Variants in CTNNA3 observed in about 807,000 individuals in gnomAD.
CTNNA3 encodes the protein catenin alpha 3.
CTNNA3 carries 76 observed loss-of-function variants against 95.7 expected under a neutral mutation model. That is an observed-to-expected ratio of 0.79 (90% CI 0.66 to 0.96). The LOEUF (loss-of-function observed/expected upper bound fraction) is 0.96, where lower values mean the gene tolerates loss of function less well. CTNNA3 is among the 40% of genes least tolerant of loss of function. CTNNA3 has a pLI of 0.00. For missense variants in CTNNA3, 1,191 were observed against 1,089.8 expected (o/e 1.09, Z -1.31); for synonymous variants, 431 against 374.4 (o/e 1.15, Z -1.74).
intron 5 of CTNNA3, among the ~76,000 whole-genome samples, chr10:67,242,387 GA>G (rs1435043271): frequency 2.6e-5 from 4 of 152,114 alleles, no homozygotes; most frequent in Non-Finnish European, 4.4e-5. Context: ...TTTCCCACAG[GA>G]AAAAAGTGTT....
At chr10:66,249,723 T>C (rs1228571043) in intron 13 of CTNNA3, among the ~76,000 whole-genome samples, 1 of 151,180 alleles carries the variant, frequency 6.6e-6, no homozygotes, top group East Asian at 1.9e-4. Flanking sequence ...TAGTTTGGAG[T>C]TTCCTCAAAC....
chr10:66,681,473 T>C (rs1847065376), intron 9 of CTNNA3, among the ~76,000 whole-genome samples: 1 of 152,062 alleles, frequency 6.6e-6, no homozygotes, highest in Non-Finnish European at 1.5e-5. Flanking sequence ...AAAAATCAGA[T>C]TGGAATAGGT....
intron 9 of CTNNA3, among the ~76,000 whole-genome samples, chr10:66,674,579 A>G (rs960397007): frequency 3.9e-5 from 6 of 151,980 alleles, no homozygotes; most frequent in African/African-American, 1.2e-4. Context: ...GTGAAGAAAA[A>G]AAAAACCTCC....
At chr10:66,553,440 CT>C (rs35849546) in intron 10 of CTNNA3, among the ~76,000 whole-genome samples, 16 of 139,720 alleles carry the variant, frequency 1.1e-4, no homozygotes, top group African/African-American at 1.9e-4. Flanking sequence ...TGAAGCATAT[CT>C]TTTTTTTTTT....
At chr10:66,352,643 T>C (rs1030878280) in intron 12 of CTNNA3, among the ~76,000 whole-genome samples, 2 of 152,016 alleles carry the variant, frequency 1.3e-5, no homozygotes, top group Non-Finnish European at 2.9e-5. Flanking sequence ...ATCATGAAAT[T>C]CCCCTAATTG....
In CTNNA3 at chr10:67,268,054, T is replaced by C. The variant is rs943852491; in HGVS notation, c.580-48184A>G. 3.3e-5 allele frequency among the ~76,000 whole-genome samples: 5 copies of C among 152,176 alleles called. No individual in the cohort carries two copies. In the East Asian group the frequency reaches 5.8e-4, roughly 18 times the overall value. On this transcript the variant is annotated intron_variant, in intron 5 of 17. Coordinates refer to ENST00000433211, the MANE Select transcript of CTNNA3 (RefSeq NM_013266.4). The stretch of plus-strand genomic sequence containing the variant: ...CTAAGAGAAAATGAGTAATCTGAAA[T>C]AACTGAAATTTGTGAATAAGTGGAA...
rs187899016 is a variant in CTNNA3 at position 66,410,603 on chromosome 10, C to A, written c.1532-31251G>T. On this transcript the variant is annotated intron_variant, in intron 11 of 17. Transcript: ENST00000433211. ...GCAATTCTAAATACTGATTGCCCCC[C>A]ACTCCTGACCTTTCCCTCTGCCTTT... Among the ~76,000 whole-genome samples the A allele has an allele frequency of 3.9e-5, 6 of 152,268 alleles. No individual in the cohort carries two copies. In the East Asian group the frequency reaches 9.7e-4, roughly 25 times the overall value.
intron 9 of CTNNA3, among the ~76,000 whole-genome samples, chr10:66,633,674 C>T (rs4746609): frequency 0.025 from 3,777 of 150,688 alleles, 233 homozygotes; most frequent in East Asian, 0.15. Flanking sequence ...AGCAAGACTC[C>T]ATCTCAAAAA....
intron 1 of CTNNA3, among the ~76,000 whole-genome samples, chr10:67,678,677 C>T (rs889981794): frequency 1.3e-5 from 2 of 152,130 alleles, no homozygotes; most frequent in African/African-American, 4.8e-5. Context: ...CCCAGAGCCA[C>T]AGACTTTAAA....
chr10:66,031,229 T>G (rs1027046673), intron 15 of CTNNA3, among the ~76,000 whole-genome samples: 2 of 152,090 alleles, frequency 1.3e-5, no homozygotes, highest in Non-Finnish European at 2.9e-5. Context: ...GGAAAATAAA[T>G]CCTACCAAAA....
At chr10:66,230,277 G>T (rs1045893208) in intron 13 of CTNNA3, among the ~76,000 whole-genome samples, 1 of 151,930 alleles carries the variant, frequency 6.6e-6, no homozygotes, top group Non-Finnish European at 1.5e-5. Context: ...TGTTTTTCCT[G>T]TTCTTAAATT....
chr10:67,273,525 TC>T (rs1435432006), intron 5 of CTNNA3, among the ~76,000 whole-genome samples: 2 of 151,912 alleles, frequency 1.3e-5, no homozygotes, highest in Non-Finnish European at 2.9e-5. Flanking sequence ...TGTGACCATT[TC>T]TTATAAAACT....
intron 15 of CTNNA3, among the ~76,000 whole-genome samples, chr10:66,017,359 T>C (rs1271638427): frequency 6.6e-6 from 1 of 152,114 alleles, no homozygotes; most frequent in Non-Finnish European, 1.5e-5. Flanking sequence ...CACCACCTGA[T>C]GGACAGGTTC....
At chr10:67,073,412 C>T (rs1164641730) in intron 7 of CTNNA3, among the ~76,000 whole-genome samples, 2 of 151,952 alleles carry the variant, frequency 1.3e-5, no homozygotes, top group Admixed American at 1.3e-4. Context: ...ATATGTTTTT[C>T]CTTCAGTCTA....
intron 5 of CTNNA3, among the ~76,000 whole-genome samples, chr10:67,323,418 T>A (rs1841406285): frequency 6.6e-6 from 1 of 152,212 alleles, no homozygotes; most frequent in African/African-American, 2.4e-5. Context: ...GGGGTCCGGT[T>A]TCAATCTTAG....
intron 7 of CTNNA3, among the ~76,000 whole-genome samples, chr10:66,969,334 A>T (rs1161692210): frequency 6.6e-6 from 1 of 152,108 alleles, no homozygotes; most frequent in Non-Finnish European, 1.5e-5. Context: ...TGTCATTAAA[A>T]CTTCTTCAAA....
rs377040735 is a variant in CTNNA3, at chr10:66,927,025, G to C, written c.1048-151501C>G. The stretch of plus-strand genomic sequence containing the variant: ...TTCTGCCGAACGAGGATGCCCTAAG[G>C]GCTGTAGGTGTGAAGGCAAAATGGT... On this transcript the variant is annotated intron_variant, in intron 7 of 17. Transcript: ENST00000433211. This position sits in a 1 kb window ranked among gnomAD's most constrained non-coding sequence, Gnocchi z 4.7. 6.2e-7 allele frequency: 1 copy of C among 1,613,952 alleles called. No homozygotes were observed. Among genetic ancestry groups the C allele is most frequent in the Non-Finnish European group, 8.5e-7 (1 of 1,180,032 alleles).
rs537319612 is a variant in CTNNA3 at position 65,969,363 on chromosome 10, A to T, written c.2266-2617T>A. Among the ~76,000 whole-genome samples the T allele has an allele frequency of 1.2e-4, 18 of 152,326 alleles. No individual in the cohort carries two copies. In the South Asian group the frequency reaches 3.7e-3, roughly 32 times the overall value. The stretch of plus-strand genomic sequence containing the variant: ...GAACCAGTGTAAGAATTCTAGCACC[A>T]TGAAAATTCAAAATGTAGTGATACC... On this transcript the variant is annotated intron_variant, in intron 16 of 17. Coordinates refer to ENST00000433211, the MANE Select transcript of CTNNA3 (RefSeq NM_013266.4).
At chr10:66,700,741 T>C (rs1457843866) in intron 9 of CTNNA3, among the ~76,000 whole-genome samples, 1 of 152,170 alleles carries the variant, frequency 6.6e-6, no homozygotes, top group African/African-American at 2.4e-5. Context: ...TTTTGTAAGA[T>C]GTGCCTTGCA....
Sources: gnomAD v4.1 joint callset for allele counts (sites outside exome capture counted in the v4.1 genomes callset) on GRCh38, gnomAD v4.1.1 for gene constraint, Gnocchi (gnomAD v3.1) non-coding constraint, MANE v1.5 for transcripts, NCBI Gene and HGNC (gene_info 2026-07-23, HGNC 2026-07-21) for gene names.